Variants in CACNA1S observed in about 807,000 individuals in gnomAD.
The protein encoded by CACNA1S is voltage-dependent L-type calcium channel subunit alpha-1S.
CACNA1S carries 126 observed loss-of-function variants against 207.4 expected under a neutral mutation model. The ratio of observed to expected loss-of-function variants is 0.61; its 90% CI spans 0.53 to 0.70. The LOEUF (loss-of-function observed/expected upper bound fraction) is 0.70, where lower values mean the gene tolerates loss of function less well. Ranked by LOEUF, CACNA1S falls within the 30% of genes least tolerant of loss-of-function variation. CACNA1S has a pLI of 0.00. For synonymous variants in CACNA1S, 960 were observed against 932.7 expected, an observed-to-expected ratio of 1.03 and a Z score of -0.53; for missense variants, 2,349 against 2,422.8, an observed-to-expected ratio of 0.97 and a Z score of 0.64.
chr1:201,052,333 G>T (rs1441328296), intron 32 of CACNA1S, among the ~76,000 whole-genome samples: 1 of 152,216 alleles, frequency 6.6e-6, no homozygotes, highest in Non-Finnish European at 1.5e-5. Context: ...GAGGAGCCCA[G>T]TGCAAAATAA....
rs12742170 is a variant in CACNA1S, at chr1:201,083,184, A to C, written c.1371T>G (p.Pro457=). ...CACCTTGCAAACGGGTCAGCCAGAG[A>C]GGCTGGTTGTGGTGCTCTGAGGCGA... ...LSIASEHHNQ[P]LWLTRLQDIA... The change falls in exon 10 of 44, where the codon CCT becomes CCG. Residue 457 remains proline, a synonymous_variant. Transcript: ENST00000362061. The C allele has an allele frequency of 0.32, 519,736 of 1,613,478 alleles. 94,186 individuals are homozygous for C. The highest frequency in any genetic ancestry group is 0.38 in the Non-Finnish European group (448,866 of 1,179,534).
intron 2 of CACNA1S, 96 bp downstream of exon 2, chr1:201,110,068 A>G: frequency 8.8e-7 from 1 of 1,141,834 alleles, no homozygotes. Flanking sequence ...GAGTTGAACC[A>G]CCGGCACCAT....
chr1:201,071,525 G>C (rs1661435199), intron 16 of CACNA1S, among the ~76,000 whole-genome samples: 1 of 152,048 alleles, frequency 6.6e-6, no homozygotes, highest in Admixed American at 6.6e-5. Flanking sequence ...CATATCTTTT[G>C]CTGTAAGCCA....
chr1:201,041,515 C>CA lies in CACNA1S; in HGVS notation c.5122dup (p.Cys1708LeufsTer45). 1.2e-6 allele frequency: 2 copies of CA among 1,613,770 alleles called. No individual in the cohort carries two copies. The highest frequency in any genetic ancestry group is 1.7e-6 in the Non-Finnish European group (2 of 1,179,650). ...CAGAAGGGACTGACCCAGGACCCTG[C>CA]AGGGTTGGCCAAGGGCTCGTCCTCT... On this transcript the variant is annotated frameshift_variant, in exon 41 of 44. Transcript: ENST00000362061. LOFTEE classifies it high-confidence loss of function.
At chr1:201,043,080 G>A (rs1204732221) in intron 40 of CACNA1S, 5 of 620,128 alleles carry the variant, frequency 8.1e-6, no homozygotes, top group South Asian at 1.8e-5. Context: ...CTGACATGAT[G>A]TGAGGCTTCC....
intron 24 of CACNA1S, 95 bp from the exon 25 acceptor site, chr1:201,061,563 G>A: frequency 8.7e-7 from 1 of 1,144,052 alleles, no homozygotes; most frequent in Non-Finnish European, 1.3e-6. Flanking sequence ...TGGCTGTGGA[G>A]AGCCAAGAGA....
At chr1:201,084,322 C>T (rs140124098) in intron 9 of CACNA1S, among the ~76,000 whole-genome samples, 7 of 152,154 alleles carry the variant, frequency 4.6e-5, no homozygotes, top group African/African-American at 1.2e-4. Context: ...GTGTGCAAGA[C>T]GGATGAAAGC....
chr1:201,066,088 CCCAGCCTCAT>C lies in CACNA1S; in HGVS notation c.2745+131_2745+140del. 1 of 953,630 alleles carries C rather than the reference CCCAGCCTCAT, an allele frequency of 1.0e-6. No homozygotes were observed. The highest frequency in any genetic ancestry group is 2.6e-5 in the East Asian group (1 of 38,668). 59.1% of individuals were successfully genotyped at this position (953,630 alleles called of 1,614,324 possible). A position where few individuals can be genotyped will look rare whatever the true frequency, so the allele number is the denominator to read the frequency against. ...AAGGCTGGTGGGGAAGCATAGCTACCCCAGCCTCATCCTTACCCCTATCTGCCCAGGGAGA... is the reference window on the plus strand; with the variant it reads ...AAGGCTGGTGGGGAAGCATAGCTACCCCTTACCCCTATCTGCCCAGGGAGA... On this transcript the variant is annotated intron_variant, in intron 21 of 43. Transcript: ENST00000362061. The surrounding 1 kb of genome is among the most constrained non-coding windows in gnomAD (Gnocchi z 4.3).
rs1028357478 is a variant in CACNA1S at position 201,089,123 on chromosome 1, G to A, written c.900+135C>T. The A allele has an allele frequency of 5.0e-6, 4 of 793,408 alleles. No individual in the cohort carries two copies. In the Admixed American group the frequency reaches 8.0e-5, roughly 16 times the overall value. The allele number at this position is 793,408 out of a possible 1,614,324, so 49.1% of individuals were successfully genotyped here. A position where few individuals can be genotyped will look rare whatever the true frequency, so the allele number is the denominator to read the frequency against. On this transcript the variant is annotated intron_variant, in intron 6 of 43. Coordinates refer to ENST00000362061, the MANE Select transcript of CACNA1S (RefSeq NM_000069.3). ...ACACATCCTGTATAGATTCCCCAGG[G>A]AGGAGCAAGAGGGAGCTGTGGTCAC...
At chr1:201,079,235 A>T (rs1488104313) in intron 10 of CACNA1S, among the ~76,000 whole-genome samples, 1 of 150,930 alleles carries the variant, frequency 6.6e-6, no homozygotes, top group Non-Finnish European at 1.5e-5. Context: ...TGCTCTCTTC[A>T]CTTCTTCACC....
In CACNA1S at chr1:201,093,934, C is replaced by A. The variant is rs772899672; in HGVS notation, c.346G>T (p.Ala116Ser). The A allele has an allele frequency of 6.2e-7, 1 of 1,614,202 alleles. No individual in the cohort carries two copies. Among genetic ancestry groups the A allele is most frequent in the East Asian group, 2.2e-5 (1 of 44,886 alleles). Residue 116 changes from alanine to serine, a missense_variant, in exon 3 of 44, where the codon GCT (alanine) becomes TCT (serine). Ala to Ser is a moderately conservative substitution (Grantham distance 99). Coordinates refer to ENST00000362061, the MANE Select transcript of CACNA1S (RefSeq NM_000069.3). The part of the protein sequence containing the change: ...IAYGFLFHQD[A>S]YLRSGWNVLD... ...ACATTCCAGCCACTGCGCAGGTAAGCGTCCTGGTGGAATAAGAAGCCGTAG... is the reference window on the plus strand; with the variant it reads ...ACATTCCAGCCACTGCGCAGGTAAGAGTCCTGGTGGAATAAGAAGCCGTAG...
chr1:201,060,785 C>T lies in CACNA1S; in HGVS notation c.3287G>A (p.Arg1096His), dbSNP rs142102094. The T allele has an allele frequency of 3.4e-5, 55 of 1,614,158 alleles. No homozygotes were observed. Among genetic ancestry groups the T allele is most frequent in the East Asian group, 3.3e-4 (15 of 44,878 alleles). Residue 1096 changes from arginine (R) to histidine (H), a missense_variant, in exon 26 of 44, where the codon CGC (arginine) becomes CAC (histidine). Transcript: ENST00000362061. ...TTTGGGAATGTAGCACCTCAGTGGGCGGGCCTTCAGGGCATACTGTACACA... is the reference window on the plus strand; with the variant it reads ...TTTGGGAATGTAGCACCTCAGTGGGTGGGCCTTCAGGGCATACTGTACACA... ...RQCVQYALKARPLRCYIPKNP... is the reference protein window; with the variant it reads ...RQCVQYALKAHPLRCYIPKNP...
intron 7 of CACNA1S, among the ~76,000 whole-genome samples, chr1:201,086,553 G>A (rs965333441): frequency 3.9e-5 from 6 of 152,186 alleles, no homozygotes; most frequent in African/African-American, 7.2e-5. Flanking sequence ...ACTGCATACC[G>A]TAGGCGATTG....
chr1:201,054,922 G>A (rs1183238440), intron 28 of CACNA1S, among the ~76,000 whole-genome samples: 4 of 152,184 alleles, frequency 2.6e-5, no homozygotes, highest in Admixed American at 6.5e-5. Flanking sequence ...TAATGAAGGC[G>A]CATTGGAAGA....
At chr1:201,086,433 A>C (rs1336808911) in intron 7 of CACNA1S, among the ~76,000 whole-genome samples, 3 of 152,250 alleles carry the variant, frequency 2.0e-5, no homozygotes, top group African/African-American at 7.2e-5. Flanking sequence ...CTCTGTGCAG[A>C]CATCAAGAGC....
intron 19 of CACNA1S, among the ~76,000 whole-genome samples, chr1:201,068,233 T>TC: frequency 5.4e-5 from 1 of 18,354 alleles, no homozygotes; most frequent in African/African-American, 6.9e-4. Flanking sequence ...GCTCTGCTCT[T>TC]TTTTTTTTTT....
chr1:201,065,780 G>C, intron 22 of CACNA1S, 58 bp downstream of exon 22: 1 of 1,132,426 alleles, frequency 8.8e-7, no homozygotes, highest in South Asian at 1.2e-5. Context: ...TTGTGCTTGA[G>C]AGTGGGCACC....
intron 14 of CACNA1S, among the ~76,000 whole-genome samples, chr1:201,074,005 G>C (rs1384153577): frequency 6.6e-6 from 1 of 152,104 alleles, no homozygotes; most frequent in Non-Finnish European, 1.5e-5. Flanking sequence ...CTCCATTGCT[G>C]GTCCCTCTTT....
At chr1:201,075,901 C>T (rs546579930) in intron 12 of CACNA1S, among the ~76,000 whole-genome samples, 2 of 152,234 alleles carry the variant, frequency 1.3e-5, no homozygotes, top group South Asian at 4.1e-4. Flanking sequence ...GACCCCATCA[C>T]TACTAAAAAT....
Sources: gnomAD v4.1 joint callset for allele counts (sites outside exome capture counted in the v4.1 genomes callset) on GRCh38, gnomAD v4.1.1 for gene constraint, Gnocchi (gnomAD v3.1) non-coding constraint, MANE v1.5 for transcripts, NCBI Gene and HGNC (gene_info 2026-07-23, HGNC 2026-07-21) for gene names.